HERC6: variants seen among roughly 807,000 people sequenced by gnomAD.
The protein encoded by HERC6 is HECT and RLD domain containing E3 ubiquitin protein ligase family member 6.
HERC6 carries 101 observed loss-of-function variants against 114.5 expected under a neutral mutation model. That is an observed-to-expected ratio of 0.88 (90% CI 0.75 to 1.04). HERC6 has a LOEUF of 1.04. Among genes scored for constraint, HERC6 ranks in the 50% least tolerant of loss-of-function variants. The probability of loss-of-function intolerance (pLI) is 0.00; values close to 1 mark genes in which losing one functional copy is unlikely to be tolerated. For missense variants in HERC6, 1,133 were observed against 1,230.9 expected (o/e 0.92, Z 1.19); for synonymous variants, 408 against 436.2 (o/e 0.94, Z 0.81).
In HERC6 at chr4:88,412,934, T is replaced by G. The variant is rs529167553; in HGVS notation, c.1369-143T>G. On this transcript the variant is annotated intron_variant, in intron 11 of 22. Coordinates refer to ENST00000264346, the MANE Select transcript of HERC6 (RefSeq NM_017912.4). ...TTGGGATGGAAGGAGTGATGGAGTC[T>G]CATCAATAGGTTTCAGAATGGCTAA... 19 of 617,480 alleles carry G rather than the reference T, an allele frequency of 3.1e-5. No homozygotes were observed. In the African/African-American group the frequency reaches 3.3e-4, roughly 11 times the overall value. The allele number at this position is 617,480 out of a possible 1,614,324, so 38.3% of individuals were successfully genotyped here.
intron 1 of HERC6, among the ~76,000 whole-genome samples, chr4:88,382,918 A>G (rs528143379): frequency 6.6e-6 from 1 of 152,294 alleles, no homozygotes; most frequent in African/African-American, 2.4e-5. Flanking sequence ...GCTATGATCA[A>G]TCACTCTGAG....
intron 17 of HERC6, among the ~76,000 whole-genome samples, chr4:88,431,993 A>G (rs1450615436): frequency 6.6e-6 from 1 of 152,252 alleles, no homozygotes; most frequent in African/African-American, 2.4e-5. Context: ...CTACATATCC[A>G]TCAGTAGGAG....
At chr4:88,405,018 A>G (rs752995667) in intron 9 of HERC6, 21 bp downstream of exon 9, 1 of 1,609,994 alleles carries the variant, frequency 6.2e-7, no homozygotes, top group African/African-American at 1.3e-5. Context: ...CTGATAAATT[A>G]TAAGCCACTT....
chr4:88,385,129 T>C (rs1160942317), intron 2 of HERC6, among the ~76,000 whole-genome samples: 1 of 152,232 alleles, frequency 6.6e-6, no homozygotes, highest in Non-Finnish European at 1.5e-5. Context: ...AGGGCTTAAA[T>C]TAGATGATGA....
intron 13 of HERC6, among the ~76,000 whole-genome samples, chr4:88,420,711 T>A (rs1414982347): frequency 6.6e-6 from 1 of 152,156 alleles, no homozygotes; most frequent in African/African-American, 2.4e-5. Context: ...GTGGAAAGAT[T>A]GCTTGAGCTC....
intron 11 of HERC6, among the ~76,000 whole-genome samples, chr4:88,410,388 C>T (rs1215315412): frequency 6.6e-6 from 1 of 152,160 alleles, no homozygotes; most frequent in Admixed American, 6.6e-5. Flanking sequence ...TCTCAGTGAA[C>T]AGAAGGGTGA....
At chr4:88,407,902 G>T (rs888461833) in intron 10 of HERC6, among the ~76,000 whole-genome samples, 1 of 152,166 alleles carries the variant, frequency 6.6e-6, no homozygotes, top group African/African-American at 2.4e-5. Context: ...GCTTAAGGAG[G>T]TCTTTCAATA....
intron 3 of HERC6, among the ~76,000 whole-genome samples, chr4:88,386,848 C>T (rs1734613671): frequency 1.3e-5 from 2 of 152,140 alleles, no homozygotes; most frequent in African/African-American, 4.8e-5. Flanking sequence ...GGGGCAGAAA[C>T]CTCTTCCTGC....
At chr4:88,434,101 C>CA (rs1167453628) in intron 17 of HERC6, among the ~76,000 whole-genome samples, 1 of 152,226 alleles carries the variant, frequency 6.6e-6, no homozygotes, top group Non-Finnish European at 1.5e-5. Flanking sequence ...ATAGGATCAA[C>CA]ACACCAGAAA....
At position 88,435,705 on chromosome 4, in the gene HERC6, A is replaced by T. The variant is rs1560575248; in HGVS notation, c.2251-20A>T. On this transcript the variant is annotated intron_variant, in intron 17 of 22. Transcript: ENST00000264346. ...ACTAATTATTTATAATACCTTAGGG[A>T]TTTTTTTCTTCTTTTCTAGCCTAAA... 6.3e-6 allele frequency: 9 copies of T among 1,431,054 alleles called. No individual in the cohort carries two copies. The Admixed American group carries it at 2.4e-4, about 38-fold the overall frequency. 88.6% of individuals were successfully genotyped at this position (1,431,054 alleles called of 1,614,324 possible).
intron 8 of HERC6, chr4:88,399,867 C>G (rs542021164): frequency 3.3e-5 from 5 of 152,098 alleles, no homozygotes; most frequent in Non-Finnish European, 5.9e-5. Flanking sequence ...TTAGAAATGT[C>G]TGTCAGAAAA....
At chr4:88,423,232 G>A (rs1160336591) in intron 13 of HERC6, among the ~76,000 whole-genome samples, 1 of 151,578 alleles carries the variant, frequency 6.6e-6, no homozygotes, top group Non-Finnish European at 1.5e-5. Flanking sequence ...TTTTGTGATG[G>A]AGGCATTTAG....
At chr4:88,428,524 C>G (rs1225089963) in intron 15 of HERC6, 56 bp from the exon 16 acceptor site, 3 of 1,360,374 alleles carry the variant, frequency 2.2e-6, no homozygotes, top group Non-Finnish European at 3.0e-6. Context: ...TTAAACAATC[C>G]TTGGGATTCC....
intron 8 of HERC6, among the ~76,000 whole-genome samples, chr4:88,402,106 T>C (rs1330680540): frequency 2.6e-5 from 4 of 152,136 alleles, no homozygotes; most frequent in Non-Finnish European, 5.9e-5. Flanking sequence ...GGCTAATTGA[T>C]TGGAGATCCA....
chr4:88,430,141 AC>A (rs1269948251), intron 16 of HERC6, among the ~76,000 whole-genome samples: 1 of 152,232 alleles, frequency 6.6e-6, no homozygotes, highest in Non-Finnish European at 1.5e-5. Flanking sequence ...TAGAGAGAGA[AC>A]AAAAATCTAA....
chr4:88,406,745 G>GT (rs1411715085), intron 10 of HERC6, among the ~76,000 whole-genome samples: 2 of 151,896 alleles, frequency 1.3e-5, no homozygotes, highest in Non-Finnish European at 2.9e-5. Context: ...ATCTTTCTTT[G>GT]TTTTTTTATT....
At chr4:88,427,486 C>T (rs1224641526) in intron 15 of HERC6, among the ~76,000 whole-genome samples, 2 of 152,032 alleles carry the variant, frequency 1.3e-5, no homozygotes, top group Non-Finnish European at 2.9e-5. Flanking sequence ...TGACCCACCA[C>T]CAGAAAGGAA....
rs772755892 is a variant in HERC6 at position 88,417,404 on chromosome 4, T to C, written c.1559-21T>C. On this transcript the variant is annotated intron_variant, in intron 12 of 22. Coordinates refer to ENST00000264346, the MANE Select transcript of HERC6 (RefSeq NM_017912.4). The stretch of plus-strand genomic sequence containing the variant: ...GGTGGTAGGAAAAACATATTTATCA[T>C]GGCTAATTTTACACCCCCAGAGAAG... The C allele has an allele frequency of 1.7e-5, 27 of 1,601,156 alleles. No individual in the cohort carries two copies. In the Middle Eastern group the frequency reaches 3.1e-3, roughly 186 times the overall value.
At chr4:88,401,839 C>G (rs1202522084) in intron 8 of HERC6, among the ~76,000 whole-genome samples, 2 of 152,158 alleles carry the variant, frequency 1.3e-5, no homozygotes, top group Non-Finnish European at 2.9e-5. Context: ...ATATCACGTG[C>G]CCATTTGAAA....
Sources: gnomAD v4.1 joint callset for allele counts (sites outside exome capture counted in the v4.1 genomes callset) on GRCh38, gnomAD v4.1.1 for gene constraint, MANE v1.5 for transcripts, NCBI Gene and HGNC (gene_info 2026-07-23, HGNC 2026-07-21) for gene names.